The following MDM1 variants were observed in gnomAD, a reference collection of about 807,000 sequenced individuals.
The protein encoded by MDM1 is stabilizer of axonemal microtubules 6.
Under a neutral mutation model 89.1 loss-of-function variants are expected in MDM1, and 61 were observed. The ratio of observed to expected loss-of-function variants is 0.68; its 90% CI spans 0.56 to 0.85. MDM1 has a LOEUF of 0.85. Among genes scored for constraint, MDM1 ranks in the 40% least tolerant of loss-of-function variants. The pLI is 0.00. For missense variants in MDM1, 820 were observed against 846.5 expected (o/e 0.97, Z 0.39); for synonymous variants, 290 against 294.1 (o/e 0.99, Z 0.14).
At chr12:68,311,177 T>A (rs954036551) in intron 12 of MDM1, among the ~76,000 whole-genome samples, 1 of 152,162 alleles carries the variant, frequency 6.6e-6, no homozygotes, top group African/African-American at 2.4e-5. Context: ...CCTAGGTAAA[T>A]CCAACTCTAT....
chr12:68,332,002 A>G (rs917272602), intron 1 of MDM1: 4 of 707,056 alleles, frequency 5.7e-6, no homozygotes, highest in Non-Finnish European at 1.0e-5. Context: ...GTCTCGCACC[A>G]TCTGACTCTT....
At chr12:68,320,466 G>A (rs1447388507) in intron 7 of MDM1, among the ~76,000 whole-genome samples, 1 of 152,212 alleles carries the variant, frequency 6.6e-6, no homozygotes, top group Non-Finnish European at 1.5e-5. Flanking sequence ...CAGCATGGCA[G>A]TCGCCAGGAC....
chr12:68,311,435 A>C (rs891648000), intron 12 of MDM1, among the ~76,000 whole-genome samples: 1 of 152,136 alleles, frequency 6.6e-6, no homozygotes, highest in African/African-American at 2.4e-5. Flanking sequence ...ATCTTTCTTC[A>C]CATGTCACCA....
chr12:68,321,228 T>C, intron 7 of MDM1, 119 bp downstream of exon 7: 1 of 628,442 alleles, frequency 1.6e-6, no homozygotes, highest in Non-Finnish European at 2.7e-6. Context: ...ATTAGTGCTA[T>C]TATTATATCA....
chr12:68,321,256 G>T, intron 7 of MDM1, 91 bp downstream of exon 7: 1 of 838,208 alleles, frequency 1.2e-6, no homozygotes, highest in Non-Finnish European at 1.9e-6. Context: ...TTAAATTGTG[G>T]TCTCTATTAC....
In MDM1 at chr12:68,326,870, T is replaced by C. The variant is rs2121154715; in HGVS notation, c.285A>G (p.Gln95=). Residue 95 remains glutamine (Q), a synonymous_variant, in exon 3 of 15, where the codon CAA becomes CAG. Coordinates refer to ENST00000682720, the MANE Select transcript of MDM1 (RefSeq NM_001354969.2). The part of the protein sequence containing the change: ...EPEAPETPKS[Q]EAEQKDVTQE... ...GAGTAACATCCTTTTGTTCTGCTTC[T>C]TGTGATTTTGGTGTTTCCGGGGCTT... 6.2e-7 allele frequency: 1 copy of C among 1,614,008 alleles called. No homozygotes were observed. Among genetic ancestry groups the C allele is most frequent in the Non-Finnish European group, 8.5e-7 (1 of 1,179,894 alleles).
At chr12:68,299,710 T>C (rs764742408) in intron 13 of MDM1, among the ~76,000 whole-genome samples, 12 of 152,124 alleles carry the variant, frequency 7.9e-5, no homozygotes, top group Non-Finnish European at 1.3e-4. Context: ...AATGTAAGAA[T>C]AAATGGTGAT....
chr12:68,301,238 G>A (rs1430123721), intron 13 of MDM1, among the ~76,000 whole-genome samples: 5 of 152,106 alleles, frequency 3.3e-5, no homozygotes, highest in Non-Finnish European at 7.4e-5. Flanking sequence ...CACACCTCAA[G>A]GAACTAGAGA....
At chr12:68,330,291 C>T (rs992202735) in intron 2 of MDM1, among the ~76,000 whole-genome samples, 4 of 150,902 alleles carry the variant, frequency 2.7e-5, no homozygotes, top group East Asian at 1.9e-4. Context: ...CTATTTCTCT[C>T]GGCCAATAAC....
chr12:68,319,912 A>G (rs1050575346), intron 7 of MDM1, among the ~76,000 whole-genome samples: 9 of 152,240 alleles, frequency 5.9e-5, no homozygotes, highest in Admixed American at 1.3e-4. Flanking sequence ...CAGTTTTAAC[A>G]ATCTTCTCAA....
At chr12:68,306,589 CT>C (rs1367725661) in intron 12 of MDM1, among the ~76,000 whole-genome samples, 1 of 152,162 alleles carries the variant, frequency 6.6e-6, no homozygotes, top group Non-Finnish European at 1.5e-5. Flanking sequence ...TGAACAGACA[CT>C]TCTTAAAAGA....
rs569305967 is a variant in MDM1, at chr12:68,326,656, C to A, written c.498+1G>T. The A allele has an allele frequency of 6.2e-7, 1 of 1,614,114 alleles. No homozygotes were observed. Among genetic ancestry groups the A allele is most frequent in the Admixed American group, 1.7e-5 (1 of 60,020 alleles). ...AAAAGAAATGCAGTGAATATGCCTA[C>A]CCCATTATCTACATTTTCTGAAAGA... is the stretch of plus-strand genomic sequence containing the variant. On this transcript the variant is annotated splice_donor_variant, in intron 3 of 14. Coordinates refer to ENST00000682720, the MANE Select transcript of MDM1 (RefSeq NM_001354969.2). LOFTEE classifies it high-confidence loss of function.
At chr12:68,316,403 A>G in intron 8 of MDM1, 150 bp from the exon 9 acceptor site, 2 of 979,688 alleles carry the variant, frequency 2.0e-6, no homozygotes, top group Non-Finnish European at 3.0e-6. Flanking sequence ...CAGACTGTGC[A>G]TTTAAGCAAA....
In MDM1 at chr12:68,302,104, C is replaced by A. The variant is rs76621495; in HGVS notation, c.2002+516G>T. Reference sequence around the variant, plus strand: ...AAATAATACTCTCTCAGAGGCACATCATAAAATTTCAGAACATTAGATATG... The same window carrying A: ...AAATAATACTCTCTCAGAGGCACATAATAAAATTTCAGAACATTAGATATG... On this transcript the variant is annotated intron_variant, in intron 13 of 14. Transcript: ENST00000682720. Among the ~76,000 whole-genome samples the A allele has an allele frequency of 1.1e-4, 17 of 152,262 alleles. 1 individual carries two copies. In the East Asian group the frequency reaches 3.3e-3, roughly 29 times the overall value.
intron 13 of MDM1, among the ~76,000 whole-genome samples, chr12:68,301,590 T>C (rs1444980898): frequency 6.6e-6 from 1 of 152,040 alleles, no homozygotes; most frequent in African/African-American, 2.4e-5. Flanking sequence ...CCAAAAGCTA[T>C]TGAAATAAAA....
rs1049370054 is a variant in MDM1 at position 68,332,296 on chromosome 12, G to A, written c.-51C>T. 6.5e-7 allele frequency: 1 copy of A among 1,547,814 alleles called. No individual in the cohort carries two copies. The highest frequency in any genetic ancestry group is 8.7e-7 in the Non-Finnish European group (1 of 1,147,698). ...ACTCCGACAGTTAACTGGAGAAAAA[G>A]CTCCGAGGGGGCGGGGCGATAACAG... On this transcript the variant is annotated 5_prime_UTR_variant, in exon 1 of 15. Coordinates refer to ENST00000682720, the MANE Select transcript of MDM1 (RefSeq NM_001354969.2).
intron 2 of MDM1, chr12:68,330,863 T>C (rs1876696041): frequency 2.1e-6 from 1 of 485,910 alleles, no homozygotes; most frequent in Admixed American, 3.6e-5. Context: ...CCGAAACAGT[T>C]GTGATGGAGG....
chr12:68,332,123 G>A (rs1007471484), intron 1 of MDM1, 105 bp downstream of exon 1: 2 of 1,481,820 alleles, frequency 1.3e-6, no homozygotes, highest in Admixed American at 2.0e-5. Context: ...AGCTTCCGCC[G>A]GGCAGAGGGC....
At chr12:68,327,975 T>C (rs1423411743) in intron 2 of MDM1, among the ~76,000 whole-genome samples, 1 of 152,234 alleles carries the variant, frequency 6.6e-6, no homozygotes, top group African/African-American at 2.4e-5. Context: ...CTGATGCTGA[T>C]ATATCTGCCT....
Sources: gnomAD v4.1 joint callset for allele counts (sites outside exome capture counted in the v4.1 genomes callset) on GRCh38, gnomAD v4.1.1 for gene constraint, MANE v1.5 for transcripts, NCBI Gene and HGNC (gene_info 2026-07-23, HGNC 2026-07-21) for gene names.